Variants in SLC10A7 observed in about 807,000 individuals in gnomAD.
The protein encoded by SLC10A7 is sodium/bile acid cotransporter 7.
Under a neutral mutation model 43.2 loss-of-function variants are expected in SLC10A7, and 29 were observed. The ratio of observed to expected loss-of-function variants is 0.67; its 90% CI spans 0.50 to 0.92. The LOEUF is 0.92. Among genes scored for constraint, SLC10A7 ranks in the 40% least tolerant of loss-of-function variants. SLC10A7 has a pLI of 0.00. For synonymous variants in SLC10A7, 152 were observed against 144.8 expected (o/e 1.05, Z -0.35); for missense variants, 295 against 403.2 (o/e 0.73, Z 2.30).
chr4:146,337,565 C>T (rs771447338), intron 5 of SLC10A7, among the ~76,000 whole-genome samples: 1 of 151,982 alleles, frequency 6.6e-6, no homozygotes, highest in South Asian at 2.1e-4. Flanking sequence ...TGATATAAAA[C>T]ACCACCATCA....
At chr4:146,497,170 AT>A (rs1408746295) in intron 4 of SLC10A7, among the ~76,000 whole-genome samples, 1 of 152,222 alleles carries the variant, frequency 6.6e-6, no homozygotes, top group Non-Finnish European at 1.5e-5. Flanking sequence ...CTTTCAGGTA[AT>A]GCCAGTGCAA....
intron 5 of SLC10A7, among the ~76,000 whole-genome samples, chr4:146,351,216 C>T (rs1391226980): frequency 3.3e-5 from 5 of 150,092 alleles, no homozygotes; most frequent in South Asian, 4.2e-4. Context: ...AACCAAGGCT[C>T]GAGAACTACG....
chr4:146,329,898 A>G (rs1352573988), intron 5 of SLC10A7, among the ~76,000 whole-genome samples: 1 of 152,192 alleles, frequency 6.6e-6, no homozygotes, highest in Non-Finnish European at 1.5e-5. Context: ...CTCTTTCCTA[A>G]GTAAATTCTC....
At chr4:146,351,487 C>T (rs1327443736) in intron 5 of SLC10A7, among the ~76,000 whole-genome samples, 1 of 149,928 alleles carries the variant, frequency 6.7e-6, no homozygotes, top group East Asian at 2.0e-4. Flanking sequence ...GAGAACTTCC[C>T]CAATCTAGCA....
At chr4:146,410,010 G>A (rs1473029555) in intron 5 of SLC10A7, among the ~76,000 whole-genome samples, 5 of 152,148 alleles carry the variant, frequency 3.3e-5, no homozygotes, top group African/African-American at 1.2e-4. Context: ...AATTGCAGAT[G>A]TTAATAGTTT....
chr4:146,458,950 T>G (rs1732306066), intron 4 of SLC10A7, among the ~76,000 whole-genome samples: 1 of 151,640 alleles, frequency 6.6e-6, no homozygotes, highest in South Asian at 2.1e-4. Context: ...TATTCACAAA[T>G]TACATCATCC....
At chr4:146,521,381 A>C (rs186437904) in intron 1 of SLC10A7, among the ~76,000 whole-genome samples, 3 of 152,198 alleles carry the variant, frequency 2.0e-5, no homozygotes, top group Non-Finnish European at 4.4e-5. Flanking sequence ...GACACTCAGG[A>C]TAGTCATTGT....
intron 5 of SLC10A7, among the ~76,000 whole-genome samples, chr4:146,410,102 G>T (rs529172664): frequency 6.6e-6 from 1 of 152,166 alleles, no homozygotes; most frequent in African/African-American, 2.4e-5. Context: ...ATCCAACAAG[G>T]TTAGAAAGGT....
chr4:146,299,726 A>G (rs1243021631), intron 7 of SLC10A7, among the ~76,000 whole-genome samples: 1 of 152,152 alleles, frequency 6.6e-6, no homozygotes, highest in Non-Finnish European at 1.5e-5. Flanking sequence ...TGAAGAGTAG[A>G]AAAAGAAACA....
In SLC10A7 at chr4:146,456,028, C is replaced by T. The variant is rs550524533; in HGVS notation, c.397-13207G>A. ...TGTGCTGATTTTCATGGTGTAAATA[C>T]TCCCACCACGGCCAATTTCAAAGTG... On this transcript the variant is annotated intron_variant, in intron 4 of 11. Coordinates refer to ENST00000335472, the MANE Select transcript of SLC10A7 (RefSeq NM_001029998.6). 3.1e-3 allele frequency among the ~76,000 whole-genome samples: 468 copies of T among 151,838 alleles called. 2 individuals are homozygous for T. The highest frequency in any genetic ancestry group is 0.011 in the African/African-American group (436 of 41,484).
chr4:146,282,184 C>CTA (rs952732862), intron 10 of SLC10A7, among the ~76,000 whole-genome samples: 13 of 151,998 alleles, frequency 8.6e-5, no homozygotes, highest in East Asian at 1.9e-4. Flanking sequence ...AGTGCATAGA[C>CTA]TATATATATA....
chr4:146,428,549 CTTT>C (rs11306173), intron 5 of SLC10A7, among the ~76,000 whole-genome samples: 1 of 145,214 alleles, frequency 6.9e-6, no homozygotes, highest in Non-Finnish European at 1.5e-5. Flanking sequence ...CACCTTGGCT[CTTT>C]TTTTTTTTTT....
intron 2 of SLC10A7, among the ~76,000 whole-genome samples, chr4:146,512,291 G>A (rs1737556175): frequency 6.6e-6 from 1 of 151,854 alleles, no homozygotes; most frequent in African/African-American, 2.4e-5. Flanking sequence ...ACTTCTGACA[G>A]GAATAAAAAA....
intron 5 of SLC10A7, among the ~76,000 whole-genome samples, chr4:146,333,627 C>T (rs759168135): frequency 7.2e-5 from 11 of 151,978 alleles, no homozygotes; most frequent in Non-Finnish European, 1.6e-4. Context: ...AAACTGAAAG[C>T]GAAGAGCAGA....
chr4:146,354,608 T>C (rs1007992790), intron 5 of SLC10A7, among the ~76,000 whole-genome samples: 4 of 149,928 alleles, frequency 2.7e-5, no homozygotes, highest in Non-Finnish European at 4.5e-5. Context: ...AGAACAAAGC[T>C]GGAGGCATCA....
At chr4:146,295,232 A>G (rs1004678883) in intron 7 of SLC10A7, among the ~76,000 whole-genome samples, 1 of 152,176 alleles carries the variant, frequency 6.6e-6, no homozygotes, top group Non-Finnish European at 1.5e-5. Flanking sequence ...GTGAACTGAC[A>G]GTGTATTAAA....
intron 1 of SLC10A7, among the ~76,000 whole-genome samples, chr4:146,519,105 ATATATAT>A (rs1560991743): frequency 0.11 from 3,628 of 34,308 alleles, 457 homozygotes; most frequent in African/African-American, 0.24. Context: ...ATATATATAT[ATATATAT>A]AATATAATAT....
chr4:146,290,272 C>T (rs574696151), intron 9 of SLC10A7, among the ~76,000 whole-genome samples: 11 of 142,764 alleles, frequency 7.7e-5, no homozygotes, highest in South Asian at 4.6e-4. Flanking sequence ...TGCAGTGAAC[C>T]GAGATTGTGC....
rs544723163 is a variant in SLC10A7, at chr4:146,420,752, C to T, written c.435+22031G>A. ...GATAAGAAGTTTCAACAGCTGGGCA[C>T]GGTGGCTCATTCCTGTAATCCCAGC... On this transcript the variant is annotated intron_variant, in intron 5 of 11. Coordinates refer to ENST00000335472, the MANE Select transcript of SLC10A7 (RefSeq NM_001029998.6). 6.6e-4 allele frequency among the ~76,000 whole-genome samples: 100 copies of T among 152,042 alleles called. No individual in the cohort carries two copies. In the South Asian group the frequency reaches 0.019, roughly 29 times the overall value.
Sources: gnomAD v4.1 joint callset for allele counts (sites outside exome capture counted in the v4.1 genomes callset) on GRCh38, gnomAD v4.1.1 for gene constraint, MANE v1.5 for transcripts, NCBI Gene and HGNC (gene_info 2026-07-23, HGNC 2026-07-21) for gene names.